Variants in ARID3B observed in about 807,000 individuals in gnomAD.
ARID3B encodes the protein AT-rich interactive domain-containing protein 3B.
Under a neutral mutation model 51.9 loss-of-function variants are expected in ARID3B, and 10 were observed. The observed-to-expected ratio is 0.19, with a 90% confidence interval of 0.12 to 0.33. The LOEUF (loss-of-function observed/expected upper bound fraction) is 0.33, where lower values mean the gene tolerates loss of function less well. Among genes scored for constraint, ARID3B ranks in the 10% least tolerant of loss-of-function variants. The probability of loss-of-function intolerance (pLI) is 1.00; values close to 1 mark genes in which losing one functional copy is unlikely to be tolerated. For synonymous variants in ARID3B, 205 were observed against 279.5 expected, an observed-to-expected ratio of 0.73 and a Z score of 2.66; for missense variants, 483 against 716.3, an observed-to-expected ratio of 0.67 and a Z score of 3.72.
intron 2 of ARID3B, among the ~76,000 whole-genome samples, chr15:74,566,391 G>A (rs928553390): frequency 2.6e-5 from 4 of 152,060 alleles, no homozygotes; most frequent in African/African-American, 9.7e-5. Flanking sequence ...CCTGAGGTCA[G>A]GAGTTTGAGA....
At chr15:74,587,807 T>C (rs2061786751) in intron 4 of ARID3B, among the ~76,000 whole-genome samples, 1 of 152,158 alleles carries the variant, frequency 6.6e-6, no homozygotes, top group Non-Finnish European at 1.5e-5. Flanking sequence ...CTGTGTGTCT[T>C]AGGAGTATGC....
chr15:74,549,579 A>G (rs971470852), intron 2 of ARID3B, among the ~76,000 whole-genome samples: 79 of 151,458 alleles, frequency 5.2e-4, no homozygotes, highest in Non-Finnish European at 7.5e-4. Context: ...AAAAAAAAAA[A>G]GGGAAAAAGA....
In ARID3B at chr15:74,589,989, C is replaced by T. The variant is rs773262353; in HGVS notation, c.867C>T (p.Phe289=). The T allele has an allele frequency of 3.8e-5, 61 of 1,612,146 alleles. No homozygotes were observed. The highest frequency in any genetic ancestry group is 5.1e-5 in the Non-Finnish European group (60 of 1,178,936). ...NLPTSITSAA[F]TLRTQYMKYL... ...CCACATCCATCACCAGCGCCGCCTT[C>T]ACCCTCAGGACGCAGTGAGTGGCCA... Residue 289 remains phenylalanine, a synonymous_variant, in exon 5 of 9, where the codon TTC becomes TTT. Coordinates refer to ENST00000346246, the MANE Select transcript of ARID3B (RefSeq NM_006465.4).
At chr15:74,546,426 A>G (rs1007366110) in intron 2 of ARID3B, among the ~76,000 whole-genome samples, 17 of 152,204 alleles carry the variant, frequency 1.1e-4, no homozygotes, top group Admixed American at 6.5e-5. Context: ...GTGCAGCCGC[A>G]TGCGAGGAAC....
chr15:74,594,176 C>T (rs765821858), intron 8 of ARID3B, among the ~76,000 whole-genome samples: 13 of 152,270 alleles, frequency 8.5e-5, no homozygotes, highest in East Asian at 3.9e-4. Flanking sequence ...TTGCTGGGCG[C>T]GGTGGCTCAC....
rs776573379 is a variant in ARID3B, at chr15:74,591,759, C to T, written c.1365C>T (p.Arg455=). ...EQRLVQQAFQ[R]NFFSMARQLP... ...GCCTGGTGCAGCAGGCCTTCCAGCG[C>T]AACTTTTTCAGCATGGCACGGCAGC... Residue 455 remains arginine (R), a synonymous_variant, in exon 7 of 9, where the codon CGC becomes CGT. Transcript: ENST00000346246. This position sits in a 1 kb window ranked among gnomAD's most constrained non-coding sequence, Gnocchi z 5.8. The T allele has an allele frequency of 2.5e-6, 4 of 1,614,084 alleles. No individual in the cohort carries two copies. The East Asian group carries it at 8.9e-5, about 36-fold the overall frequency.
chr15:74,594,942 G>A (rs912019129), intron 8 of ARID3B, among the ~76,000 whole-genome samples: 1 of 152,200 alleles, frequency 6.6e-6, no homozygotes, highest in Non-Finnish European at 1.5e-5. Context: ...TCAAGGCCTG[G>A]ATCTTGATAT....
chr15:74,556,046 C>T (rs1157356740), intron 2 of ARID3B, among the ~76,000 whole-genome samples: 1 of 152,068 alleles, frequency 6.6e-6, no homozygotes, highest in South Asian at 2.1e-4. Flanking sequence ...CCCGCCTCAG[C>T]CTCCGAAGGT....
intron 2 of ARID3B, among the ~76,000 whole-genome samples, chr15:74,564,568 T>C (rs2141459091): frequency 6.6e-6 from 1 of 152,356 alleles, no homozygotes; most frequent in Admixed American, 6.5e-5. Context: ...ATCCATGAGC[T>C]TGGGATCAGC....
intron 4 of ARID3B, among the ~76,000 whole-genome samples, chr15:74,585,966 C>G (rs1300364012): frequency 6.6e-6 from 1 of 152,234 alleles, no homozygotes; most frequent in Non-Finnish European, 1.5e-5. Flanking sequence ...TTTCTGATGG[C>G]ACCAAGGGCC....
intron 2 of ARID3B, among the ~76,000 whole-genome samples, chr15:74,553,413 G>C (rs2061645080): frequency 1.3e-5 from 2 of 152,206 alleles, no homozygotes; most frequent in South Asian, 4.1e-4. Flanking sequence ...CAAGGCTATA[G>C]AGTTTTCCCT....
intron 2 of ARID3B, among the ~76,000 whole-genome samples, chr15:74,567,321 T>C (rs755682108): frequency 6.1e-4 from 93 of 152,226 alleles, no homozygotes; most frequent in Non-Finnish European, 1.2e-3. Flanking sequence ...CATCCAGCCT[T>C]TTCTTCTACC....
intron 2 of ARID3B, among the ~76,000 whole-genome samples, chr15:74,546,555 C>T (rs1011389501): frequency 2.0e-5 from 3 of 152,148 alleles, no homozygotes; most frequent in African/African-American, 7.2e-5. Flanking sequence ...ACGTGTGCAC[C>T]GTGGCAGGGC....
At chr15:74,549,107 G>A (rs950233007) in intron 2 of ARID3B, among the ~76,000 whole-genome samples, 2 of 150,120 alleles carry the variant, frequency 1.3e-5, no homozygotes, top group Non-Finnish European at 3.0e-5. Flanking sequence ...ACGGTGTCTC[G>A]CTGTCACTCA....
chr15:74,585,802 T>G (rs1351306212), intron 4 of ARID3B, among the ~76,000 whole-genome samples: 1 of 152,242 alleles, frequency 6.6e-6, no homozygotes, highest in Non-Finnish European at 1.5e-5. Context: ...CCAGGTCCAT[T>G]AAGCACAAAG....
chr15:74,572,847 T>G lies in ARID3B; in HGVS notation c.553-15T>G. On this transcript the variant is annotated splice_polypyrimidine_tract_variant and intron_variant, in intron 2 of 8. Coordinates refer to ENST00000346246, the MANE Select transcript of ARID3B (RefSeq NM_006465.4). ...TCCTTTGCCCCTCTCAACTTTGTGTTTTGTTCCCTTTTAGAATGGTGGTTT... is the reference window on the plus strand; with the variant it reads ...TCCTTTGCCCCTCTCAACTTTGTGTGTTGTTCCCTTTTAGAATGGTGGTTT... 1 of 1,613,904 alleles carries G rather than the reference T, an allele frequency of 6.2e-7. No individual in the cohort carries two copies.
In ARID3B at chr15:74,586,542, T is replaced by C. The variant is rs187705944; in HGVS notation, c.698-3278T>C. Among the ~76,000 whole-genome samples, 5 of 152,364 alleles carry C rather than the reference T, an allele frequency of 3.3e-5. No individual in the cohort carries two copies. In the East Asian group the frequency reaches 9.6e-4, roughly 29 times the overall value. Reference sequence around the variant, plus strand: ...TCAAAATGAATTTGTAATTCCTCTCTGGGGAGTTGCCTTCAGAGGCAGTTT... The same window carrying C: ...TCAAAATGAATTTGTAATTCCTCTCCGGGGAGTTGCCTTCAGAGGCAGTTT... On this transcript the variant is annotated intron_variant, in intron 4 of 8. Coordinates refer to ENST00000346246, the MANE Select transcript of ARID3B (RefSeq NM_006465.4).
intron 8 of ARID3B, among the ~76,000 whole-genome samples, chr15:74,593,739 G>A (rs1190726981): frequency 6.6e-6 from 1 of 152,176 alleles, no homozygotes; most frequent in Non-Finnish European, 1.5e-5. Flanking sequence ...GTCTTTCTAA[G>A]GGTTTAACTT....
chr15:74,596,414 G>A lies in ARID3B; in HGVS notation c.*640G>A. On this transcript the variant is annotated 3_prime_UTR_variant, in exon 9 of 9. Transcript: ENST00000346246. ...AGGCTGTGAGGGCAGTTCAGGGCCAGGGCCCACAGGGCATCTGCTGATGGG... is the reference window on the plus strand; with the variant it reads ...AGGCTGTGAGGGCAGTTCAGGGCCAAGGCCCACAGGGCATCTGCTGATGGG... 4.3e-6 allele frequency: 1 copy of A among 233,600 alleles called. No homozygotes were observed. The highest frequency in any genetic ancestry group is 5.6e-5 in the Admixed American group (1 of 17,804). The allele number at this position is 233,600 out of a possible 1,614,324, so 14.5% of individuals were successfully genotyped here. A position where few individuals can be genotyped will look rare whatever the true frequency, so the allele number is the denominator to read the frequency against.
Sources: allele counts gnomAD v4.1 joint callset (sites outside exome capture counted in the v4.1 genomes callset), GRCh38; gene constraint gnomAD v4.1.1; non-coding constraint Gnocchi (gnomAD v3.1); transcripts MANE v1.5; gene names NCBI Gene and HGNC (gene_info 2026-07-23, HGNC 2026-07-21).